Variants in CDKAL1 observed in about 807,000 individuals in gnomAD.
CDKAL1 encodes the protein CDKAL1 threonylcarbamoyladenosine tRNA methylthiotransferase.
A neutral mutation model predicts 68.2 loss-of-function variants in CDKAL1; 32 were observed. That is an observed-to-expected ratio of 0.47 (90% CI 0.35 to 0.63). CDKAL1 has a LOEUF of 0.63. CDKAL1 is among the 30% of genes least tolerant of loss of function. The pLI, the probability that CDKAL1 is intolerant of heterozygous loss-of-function variation, is 0.00. For missense variants in CDKAL1, 606 were observed against 696.7 expected (o/e 0.87, Z 1.47); for synonymous variants, 234 against 244.3 (o/e 0.96, Z 0.39).
In CDKAL1 at chr6:20,603,768, A is replaced by ATTTTTTTTTTTTTTT. The variant is rs745786047; in HGVS notation, c.287-45513_287-45499dup. Among the ~76,000 whole-genome samples the ATTTTTTTTTTTTTTT allele has an allele frequency of 3.1e-4, 26 of 85,214 alleles. 3 individuals are homozygous for ATTTTTTTTTTTTTTT. Among genetic ancestry groups the ATTTTTTTTTTTTTTT allele is most frequent in the African/African-American group, 1.1e-3 (24 of 21,352 alleles). 55.9% of individuals were successfully genotyped at this position (85,214 alleles called of 152,430 possible). A position where few individuals can be genotyped will look rare whatever the true frequency, so the allele number is the denominator to read the frequency against. Reference sequence around the variant, plus strand: ...ACATTGATTAATGGGCAGTTGCTAAATTTTTTTTTTTTTTTTTTTTTTTTT... The same window carrying ATTTTTTTTTTTTTTT: ...ACATTGATTAATGGGCAGTTGCTAAATTTTTTTTTTTTTTTTTTTTTTTTTTTTTTTTTTTTTTTT... On this transcript the variant is annotated intron_variant, in intron 4 of 15. Transcript: ENST00000274695.
In CDKAL1 at chr6:20,913,005, AAG is replaced by A. The variant is rs1581816759; in HGVS notation, c.743-42412_743-42411del. On this transcript the variant is annotated intron_variant, in intron 9 of 15. Transcript: ENST00000274695. ...ATTATTTATATAATGGCAAAAAAAA[AAG>A]AAAACAAAAAAAAGTGTTGAGAGCA... Among the ~76,000 whole-genome samples the A allele has an allele frequency of 2.6e-5, 4 of 152,176 alleles. No individual in the cohort carries two copies. In the East Asian group the frequency reaches 7.7e-4, roughly 29 times the overall value.
At chr6:21,104,247 C>G (rs1041297589) in intron 12 of CDKAL1, among the ~76,000 whole-genome samples, 9 of 152,190 alleles carry the variant, frequency 5.9e-5, no homozygotes, top group African/African-American at 2.2e-4. Context: ...GAAAACAAGA[C>G]AGCTAATTGT....
chr6:20,923,573 G>T (rs1160994655), intron 9 of CDKAL1, among the ~76,000 whole-genome samples: 2 of 152,088 alleles, frequency 1.3e-5, no homozygotes, highest in Non-Finnish European at 2.9e-5. Context: ...TCCCCCACCA[G>T]CCATTCATCT....
At chr6:20,589,762 T>C (rs1765518053) in intron 4 of CDKAL1, among the ~76,000 whole-genome samples, 1 of 152,230 alleles carries the variant, frequency 6.6e-6, no homozygotes, top group Non-Finnish European at 1.5e-5. Context: ...TATTAGTTTT[T>C]CTCATATTCA....
intron 12 of CDKAL1, among the ~76,000 whole-genome samples, chr6:21,074,561 A>T (rs1240035985): frequency 6.6e-6 from 1 of 152,158 alleles, no homozygotes; most frequent in African/African-American, 2.4e-5. Context: ...TCTTCTTTAT[A>T]AAATGCAGAA....
chr6:21,113,896 C>T (rs1158778390), intron 13 of CDKAL1, among the ~76,000 whole-genome samples: 1 of 151,690 alleles, frequency 6.6e-6, no homozygotes, highest in Non-Finnish European at 1.5e-5. Context: ...GCCATAATTG[C>T]ACCACTGCTC....
chr6:20,754,531 G>A (rs1006957423), intron 6 of CDKAL1, among the ~76,000 whole-genome samples: 2 of 152,042 alleles, frequency 1.3e-5, no homozygotes, highest in Non-Finnish European at 2.9e-5. Context: ...GTTCTGATTT[G>A]CATTTCCTGG....
rs558308117 is a variant in CDKAL1, at chr6:20,916,093, C to G, written c.743-39326C>G. Among the ~76,000 whole-genome samples, 44 of 152,264 alleles carry G rather than the reference C, an allele frequency of 2.9e-4. No homozygotes were observed. In the South Asian group the frequency reaches 4.4e-3, roughly 15 times the overall value. On this transcript the variant is annotated intron_variant, in intron 9 of 15. Coordinates refer to ENST00000274695, the MANE Select transcript of CDKAL1 (RefSeq NM_017774.3). ...GTTTTGGGGTAGTGATGGAGCAGTTCTGTGTGCCGACTGTAGTAATAGTTA... is the reference window on the plus strand; with the variant it reads ...GTTTTGGGGTAGTGATGGAGCAGTTGTGTGTGCCGACTGTAGTAATAGTTA...
intron 8 of CDKAL1, among the ~76,000 whole-genome samples, chr6:20,807,070 A>C (rs1358583460): frequency 2.0e-5 from 3 of 152,206 alleles, no homozygotes; most frequent in Admixed American, 2.0e-4. Context: ...TCATTTACTC[A>C]TGAAGACTTA....
intron 4 of CDKAL1, among the ~76,000 whole-genome samples, chr6:20,588,089 C>T (rs938365708): frequency 6.6e-6 from 1 of 152,014 alleles, no homozygotes; most frequent in Non-Finnish European, 1.5e-5. Flanking sequence ...AGAGCAAGAC[C>T]CTGCCTCAAA....
intron 5 of CDKAL1, among the ~76,000 whole-genome samples, chr6:20,694,040 CTT>C (rs1491275665): frequency 1.3e-4 from 16 of 124,302 alleles, no homozygotes; most frequent in African/African-American, 5.4e-4. Flanking sequence ...ACCCGGCTAA[CTT>C]TGTGTGTGTG....
chr6:20,930,960 G>A (rs897841219), intron 9 of CDKAL1, among the ~76,000 whole-genome samples: 5 of 150,212 alleles, frequency 3.3e-5, no homozygotes, highest in African/African-American at 1.2e-4. Flanking sequence ...GGCCAAGATG[G>A]TCTCGATCTC....
At chr6:20,871,159 G>A (rs564203212) in intron 9 of CDKAL1, among the ~76,000 whole-genome samples, 28 of 152,246 alleles carry the variant, frequency 1.8e-4, no homozygotes, top group African/African-American at 6.5e-4. Flanking sequence ...ATTTTTAAAT[G>A]TGTAAAATAA....
At chr6:21,152,255 G>T (rs1776445927) in intron 13 of CDKAL1, among the ~76,000 whole-genome samples, 1 of 152,094 alleles carries the variant, frequency 6.6e-6, no homozygotes, top group African/African-American at 2.4e-5. Flanking sequence ...CCCACCAGTT[G>T]TTCCCCAGTA....
chr6:20,563,685 T>C (rs1037880971), intron 4 of CDKAL1, among the ~76,000 whole-genome samples: 1 of 151,670 alleles, frequency 6.6e-6, no homozygotes, highest in African/African-American at 2.4e-5. Flanking sequence ...CATAGAGATA[T>C]GAAGAATACT....
intron 5 of CDKAL1, among the ~76,000 whole-genome samples, chr6:20,732,263 CTTTTTTTTTTTTTTTT>C (rs56911987): frequency 3.6e-5 from 3 of 83,468 alleles, no homozygotes; most frequent in East Asian, 8.4e-4. Flanking sequence ...TTCTTTCTTT[CTTTTTTTTTTTTTTTT>C]TTTTTTGTTG....
intron 9 of CDKAL1, among the ~76,000 whole-genome samples, chr6:20,872,257 T>C (rs528486708): frequency 1.3e-5 from 2 of 152,352 alleles, no homozygotes; most frequent in Non-Finnish European, 2.9e-5. Context: ...AAGCCTACTT[T>C]TCCTAATTAT....
At chr6:21,189,751 A>G (rs573504998) in intron 13 of CDKAL1, among the ~76,000 whole-genome samples, 1 of 152,306 alleles carries the variant, frequency 6.6e-6, no homozygotes, top group South Asian at 2.1e-4. Context: ...TTAAATTTTA[A>G]TGTTATTGCT....
intron 12 of CDKAL1, among the ~76,000 whole-genome samples, chr6:21,081,444 A>G (rs552526348): frequency 6.6e-6 from 1 of 152,278 alleles, no homozygotes; most frequent in African/African-American, 2.4e-5. Flanking sequence ...TATGCCTTTT[A>G]TATGAACTTG....
Sources: gnomAD v4.1 joint callset for allele counts (sites outside exome capture counted in the v4.1 genomes callset) on GRCh38, gnomAD v4.1.1 for gene constraint, MANE v1.5 for transcripts, NCBI Gene and HGNC (gene_info 2026-07-23, HGNC 2026-07-21) for gene names.